Variants in RPRD2 observed in about 807,000 individuals in gnomAD.
The protein encoded by RPRD2 is regulation of nuclear pre-mRNA domain containing 2.
Under a neutral mutation model 104.4 loss-of-function variants are expected in RPRD2, and 12 were observed. The observed-to-expected ratio is 0.11, with a 90% confidence interval of 0.07 to 0.19. The LOEUF (loss-of-function observed/expected upper bound fraction) is 0.19. Ranked by LOEUF, RPRD2 falls within the 10% of genes least tolerant of loss-of-function variation. The probability of loss-of-function intolerance (pLI) is 1.00; values close to 1 mark genes in which losing one functional copy is unlikely to be tolerated. For missense variants in RPRD2, 1,543 were observed against 1,790.1 expected (o/e 0.86, Z 2.49); for synonymous variants, 714 against 684.9 (o/e 1.04, Z -0.66).
chr1:150,433,853 TTATA>T (rs1444480564), intron 2 of RPRD2, among the ~76,000 whole-genome samples: 4 of 142,064 alleles, frequency 2.8e-5, no homozygotes, highest in Non-Finnish European at 4.5e-5. Flanking sequence ...TATATATATG[TTATA>T]TATACATAAT....
At position 150,390,358 on chromosome 1, in the gene RPRD2, G is replaced by A. The variant is rs141632642; in HGVS notation, c.205+25439G>A. 3.5e-4 allele frequency among the ~76,000 whole-genome samples: 54 copies of A among 152,230 alleles called. 1 individual carries two copies. The highest frequency in any genetic ancestry group is 7.9e-4 in the Admixed American group (12 of 15,280). Reference sequence around the variant, plus strand: ...AAAAATATTAAAAAATTAGCCAGGCGTGGTGGCACATGCCTGTAGTCTCCC... The same window carrying A: ...AAAAATATTAAAAAATTAGCCAGGCATGGTGGCACATGCCTGTAGTCTCCC... On this transcript the variant is annotated intron_variant, in intron 1 of 10. Coordinates refer to ENST00000369068, the MANE Select transcript of RPRD2 (RefSeq NM_015203.5).
intron 1 of RPRD2, among the ~76,000 whole-genome samples, chr1:150,400,232 A>G (rs1033585018): frequency 1.9e-4 from 29 of 152,320 alleles, no homozygotes; most frequent in Middle Eastern, 3.4e-3. Flanking sequence ...CAACCTTACT[A>G]AACTTACTTA....
At chr1:150,440,198 G>C (rs1209799277) in intron 2 of RPRD2, among the ~76,000 whole-genome samples, 1 of 152,028 alleles carries the variant, frequency 6.6e-6, no homozygotes, top group African/African-American at 2.4e-5. Context: ...TTCCCACCTC[G>C]GCCTCCCAGA....
chr1:150,386,885 TCA>T (rs1450214377), intron 1 of RPRD2, among the ~76,000 whole-genome samples: 12 of 152,218 alleles, frequency 7.9e-5, no homozygotes, highest in African/African-American at 2.9e-4. Flanking sequence ...TGAATTTTAT[TCA>T]GTTATGATAT....
intron 1 of RPRD2, among the ~76,000 whole-genome samples, chr1:150,371,065 A>G (rs942443785): frequency 1.3e-5 from 2 of 152,154 alleles, no homozygotes; most frequent in African/African-American, 2.4e-5. Flanking sequence ...TCAAAATGAA[A>G]CATATAAACA....
chr1:150,408,885 A>G (rs1663694877), intron 1 of RPRD2: 1 of 152,200 alleles, frequency 6.6e-6, no homozygotes. Flanking sequence ...ACCTAAGCTA[A>G]TGAAAATGAA....
intron 2 of RPRD2, among the ~76,000 whole-genome samples, chr1:150,431,473 A>ATTTTTTTTTTTTTTTTTTT (rs1160491386): frequency 0.013 from 1,037 of 78,682 alleles, 92 homozygotes; most frequent in Admixed American, 0.022. Context: ...AAAAGGAAGG[A>ATTTTTTTTTTTTTTTTTTT]TTTTTTTTTT....
At chr1:150,377,274 TGC>T (rs1553879784) in intron 1 of RPRD2, among the ~76,000 whole-genome samples, 2 of 150,686 alleles carry the variant, frequency 1.3e-5, no homozygotes, top group African/African-American at 4.9e-5. Context: ...CTGTATTGGG[TGC>T]TGAAAGAGAT....
At chr1:150,416,453 CAA>C (rs1664333066) in intron 1 of RPRD2, among the ~76,000 whole-genome samples, 1 of 151,808 alleles carries the variant, frequency 6.6e-6, no homozygotes, top group African/African-American at 2.4e-5. Context: ...AACTGAGAGA[CAA>C]GAAAACATGG....
chr1:150,467,054 C>T lies in RPRD2; in HGVS notation c.1612+2327C>T, dbSNP rs587706992. ...TATCCTACAATGTGTGAGACAGCCCCAACAATAAAGAATTATCTAGCCCAA... is the reference window on the plus strand; with the variant it reads ...TATCCTACAATGTGTGAGACAGCCCTAACAATAAAGAATTATCTAGCCCAA... On this transcript the variant is annotated intron_variant, in intron 10 of 10. Transcript: ENST00000369068. Among the ~76,000 whole-genome samples, 6 of 152,224 alleles carry T rather than the reference C, an allele frequency of 3.9e-5. No homozygotes were observed. In the East Asian group the frequency reaches 9.6e-4, roughly 24 times the overall value.
intron 1 of RPRD2, among the ~76,000 whole-genome samples, chr1:150,399,235 C>T (rs146747234): frequency 6.6e-6 from 1 of 151,976 alleles, no homozygotes; most frequent in Admixed American, 6.6e-5. Flanking sequence ...AACTCCTGGG[C>T]TCAAGCAATC....
intron 7 of RPRD2, among the ~76,000 whole-genome samples, chr1:150,453,929 CA>C (rs1553897113): frequency 6.6e-6 from 1 of 152,132 alleles, no homozygotes; most frequent in Admixed American, 6.5e-5. Context: ...GCAGTTTAAG[CA>C]AGCCTTGTTC....
intron 1 of RPRD2, among the ~76,000 whole-genome samples, chr1:150,406,119 A>T (rs1175875388): frequency 6.6e-6 from 1 of 152,196 alleles, no homozygotes; most frequent in Non-Finnish European, 1.5e-5. Flanking sequence ...AATTCGTGCT[A>T]GTTTTGCTGT....
chr1:150,399,617 T>C (rs1278542942), intron 1 of RPRD2, among the ~76,000 whole-genome samples: 1 of 151,630 alleles, frequency 6.6e-6, no homozygotes, highest in Non-Finnish European at 1.5e-5. Flanking sequence ...ATTAGCCAGG[T>C]GTGATGGTGG....
chr1:150,435,464 A>G (rs898637737), intron 2 of RPRD2, among the ~76,000 whole-genome samples: 5 of 152,238 alleles, frequency 3.3e-5, no homozygotes, highest in Admixed American at 3.3e-4. Context: ...TGTGAATGCA[A>G]AGTTCTTGTA....
chr1:150,445,951 C>T (rs938652270), intron 6 of RPRD2, among the ~76,000 whole-genome samples: 6 of 152,068 alleles, frequency 3.9e-5, no homozygotes, highest in South Asian at 2.1e-4. Flanking sequence ...GCCTGTAGTC[C>T]CAGCCACTCG....
rs1572515185 is a variant in RPRD2 at position 150,457,369 on chromosome 1, G to C, written c.952G>C (p.Glu318Gln). Residue 318 changes from glutamate to glutamine, a missense_variant, in exon 8 of 11, where the codon GAA (glutamate) becomes CAA (glutamine). Transcript: ENST00000369068. ...QLKSTLPDPE[E>Q]SPVPSPSMDA... ...GAAGTCAACCCTTCCAGATCCTGAA[G>C]AATCACCAGTTCCTTCCCCAAGCAT... is the stretch of plus-strand genomic sequence containing the variant. The C allele has an allele frequency of 1.9e-6, 3 of 1,611,964 alleles. No individual in the cohort carries two copies. Among genetic ancestry groups the C allele is most frequent in the Non-Finnish European group, 2.5e-6 (3 of 1,178,078 alleles).
chr1:150,452,692 G>T (rs1197269391), intron 7 of RPRD2, among the ~76,000 whole-genome samples: 4 of 96,102 alleles, frequency 4.2e-5, no homozygotes, highest in East Asian at 3.2e-4. Context: ...TTTTTGAGAC[G>T]AACTTTCCAC....
chr1:150,377,683 T>G (rs996443245), intron 1 of RPRD2, among the ~76,000 whole-genome samples: 3 of 152,114 alleles, frequency 2.0e-5, no homozygotes, highest in African/African-American at 7.2e-5. Context: ...ATGAGTTTTA[T>G]ATGCTCTAAC....
Sources: allele counts gnomAD v4.1 joint callset (sites outside exome capture counted in the v4.1 genomes callset), GRCh38; gene constraint gnomAD v4.1.1; transcripts MANE v1.5; gene names NCBI Gene and HGNC (gene_info 2026-07-23, HGNC 2026-07-21).